The following ADAMTS16 variants were observed in gnomAD, a reference collection of about 807,000 sequenced individuals.
ADAMTS16 encodes ADAM metallopeptidase with thrombospondin type 1 motif 16.
ADAMTS16 carries 94 observed loss-of-function variants against 145.8 expected under a neutral mutation model. The observed-to-expected ratio is 0.64, with a 90% CI of 0.55 to 0.77. ADAMTS16 has a LOEUF of 0.77. Ranked by LOEUF, ADAMTS16 falls within the 30% of genes least tolerant of loss-of-function variation. The pLI, the probability that ADAMTS16 is intolerant of heterozygous loss-of-function variation, is 0.00. For missense variants in ADAMTS16, 1,585 were observed against 1,591.5 expected, an observed-to-expected ratio of 1.00 and a Z score of 0.07; for synonymous variants, 659 against 604.3, an observed-to-expected ratio of 1.09 and a Z score of -1.33.
At chr5:5,280,358 G>A (rs1235584525) in intron 18 of ADAMTS16, among the ~76,000 whole-genome samples, 3 of 152,050 alleles carry the variant, frequency 2.0e-5, no homozygotes, top group African/African-American at 4.8e-5. Context: ...ACAATGGAGG[G>A]GTGTGTGTGT....
chr5:5,300,473 CAT>C lies in ADAMTS16; in HGVS notation c.2790-2794_2790-2793del, dbSNP rs931245564. ...TATAGGGCAACTCCTACAACCCTGA[CAT>C]GTGTATTTTTTATGTGTACACAAAT... On this transcript the variant is annotated intron_variant, in intron 18 of 22. Transcript: ENST00000274181. 6.6e-4 allele frequency among the ~76,000 whole-genome samples: 101 copies of C among 152,258 alleles called. 1 individual carries two copies. Among genetic ancestry groups the C allele is most frequent in the Admixed American group, 5.0e-3 (76 of 15,296 alleles).
chr5:5,241,815 G>A (rs1370316414), intron 16 of ADAMTS16, among the ~76,000 whole-genome samples: 1 of 137,956 alleles, frequency 7.2e-6, no homozygotes. Context: ...TTTACATGCG[G>A]GCATACACTA....
At chr5:5,282,078 G>C (rs1010348115) in intron 18 of ADAMTS16, among the ~76,000 whole-genome samples, 1 of 151,310 alleles carries the variant, frequency 6.6e-6, no homozygotes, top group Non-Finnish European at 1.5e-5. Flanking sequence ...AGCAGCCTCC[G>C]ACCCTCATGA....
At chr5:5,146,482 G>A in intron 3 of ADAMTS16, 27 bp downstream of exon 3, 2 of 1,568,984 alleles carry the variant, frequency 1.3e-6, no homozygotes, top group East Asian at 2.3e-5. Flanking sequence ...CCCCAGGTAG[G>A]GAGGCGAGGT....
chr5:5,145,343 T>C (rs1352153380), intron 2 of ADAMTS16, among the ~76,000 whole-genome samples: 1 of 152,234 alleles, frequency 6.6e-6, no homozygotes, highest in East Asian at 1.9e-4. Flanking sequence ...TAATCTAGGC[T>C]CTTGAGGCCA....
chr5:5,220,579 C>T (rs553784005), intron 10 of ADAMTS16, among the ~76,000 whole-genome samples: 7 of 152,240 alleles, frequency 4.6e-5, no homozygotes, highest in East Asian at 3.9e-4. Flanking sequence ...GAGCCCTGAA[C>T]GCAGACGGAG....
intron 18 of ADAMTS16, among the ~76,000 whole-genome samples, chr5:5,280,515 A>G (rs1738862123): frequency 6.6e-6 from 1 of 152,190 alleles, no homozygotes; most frequent in Non-Finnish European, 1.5e-5. Context: ...GCACAGAGAC[A>G]AGGTTGGGAA....
At chr5:5,157,866 A>G (rs1734640629) in intron 3 of ADAMTS16, among the ~76,000 whole-genome samples, 1 of 152,208 alleles carries the variant, frequency 6.6e-6, no homozygotes, top group Non-Finnish European at 1.5e-5. Flanking sequence ...AGGCACTTCA[A>G]GTTGTGCCCT....
chr5:5,207,798 C>T (rs555182357), intron 9 of ADAMTS16, among the ~76,000 whole-genome samples: 1 of 147,740 alleles, frequency 6.8e-6, no homozygotes, highest in East Asian at 2.0e-4. Context: ...GGTTTTTCTT[C>T]TTTAGCCTAT....
chr5:5,218,324 C>T (rs1033469207), intron 10 of ADAMTS16, among the ~76,000 whole-genome samples: 2 of 152,148 alleles, frequency 1.3e-5, no homozygotes, highest in African/African-American at 2.4e-5. Flanking sequence ...GTTCCATTTT[C>T]CCCCTTGCAG....
intron 21 of ADAMTS16, among the ~76,000 whole-genome samples, chr5:5,315,643 C>T (rs137964067): frequency 4.2e-4 from 64 of 152,156 alleles, no homozygotes; most frequent in African/African-American, 1.4e-3. Flanking sequence ...TGACCACAGC[C>T]CCAAGGTTCT....
At chr5:5,201,360 T>A (rs1428026) in intron 9 of ADAMTS16, among the ~76,000 whole-genome samples, 112,589 of 152,040 alleles carry the variant, frequency 0.74, 41,709 homozygotes, top group East Asian at 0.82. Context: ...AAAATATTTT[T>A]AAAAATTTAA....
chr5:5,217,308 A>G (rs1736464984), intron 10 of ADAMTS16, among the ~76,000 whole-genome samples: 1 of 151,986 alleles, frequency 6.6e-6, no homozygotes, highest in African/African-American at 2.4e-5. Context: ...CTTCATGTCT[A>G]AAACACCAAA....
At chr5:5,218,143 A>T (rs1415088248) in intron 10 of ADAMTS16, among the ~76,000 whole-genome samples, 1 of 152,250 alleles carries the variant, frequency 6.6e-6, no homozygotes, top group East Asian at 1.9e-4. Context: ...TATGTACCAT[A>T]AAGTTAGCAG....
chr5:5,242,706 G>A (rs1024901733), intron 17 of ADAMTS16, among the ~76,000 whole-genome samples: 7 of 152,180 alleles, frequency 4.6e-5, no homozygotes, highest in Non-Finnish European at 1.0e-4. Flanking sequence ...AAAAAAACAT[G>A]TCAAAAAGAA....
intron 10 of ADAMTS16, among the ~76,000 whole-genome samples, chr5:5,214,742 C>G (rs1277797901): frequency 3.3e-5 from 5 of 152,090 alleles, no homozygotes; most frequent in Admixed American, 1.3e-4. Flanking sequence ...ATTTGTGTGG[C>G]CAGTATCTCT....
At position 5,303,398 on chromosome 5, in the gene ADAMTS16, G is replaced by A. The variant is rs376298000; in HGVS notation, c.2920G>A (p.Ala974Thr). Residue 974 changes from alanine (A) to threonine (T), a missense_variant, in exon 19 of 23, where the codon GCT becomes ACT. This residue lies in a region of ADAMTS16 where 834 missense variants were observed against 811.7 expected (regional missense o/e 1.03). Transcript: ENST00000274181. Reference sequence around the variant, plus strand: ...CCCGGCCAGCCTGTGCCCTCAGCCTGCTCCCTCCAGCAGGCAGGCCTGCAA... The same window carrying A: ...CCCGGCCAGCCTGTGCCCTCAGCCTACTCCCTCCAGCAGGCAGGCCTGCAA... The part of the protein sequence containing the change: ...PVPASLCPQP[A>T]PSSRQACNSQ... The A allele has an allele frequency of 5.0e-6, 8 of 1,605,764 alleles. No individual in the cohort carries two copies. The highest frequency in any genetic ancestry group is 6.8e-6 in the Non-Finnish European group (8 of 1,176,618).
At chr5:5,271,104 A>G (rs1395766346) in intron 18 of ADAMTS16, among the ~76,000 whole-genome samples, 1 of 152,192 alleles carries the variant, frequency 6.6e-6, no homozygotes, top group African/African-American at 2.4e-5. Flanking sequence ...TTTAACTTAA[A>G]TGAAAAAGGA....
rs142062817 is a variant in ADAMTS16, at chr5:5,315,654, C to T, written c.3412-2480C>T. 1.6e-3 allele frequency among the ~76,000 whole-genome samples: 242 copies of T among 152,262 alleles called. 3 individuals are homozygous for T. Among genetic ancestry groups the T allele is most frequent in the African/African-American group, 5.3e-3 (220 of 41,564 alleles). ...AGGGTGACCACAGCCCCAAGGTTCT[C>T]GGCGCACTGTGTGAGCTAAGAGGGT... On this transcript the variant is annotated intron_variant, in intron 21 of 22. Coordinates refer to ENST00000274181, the MANE Select transcript of ADAMTS16 (RefSeq NM_139056.4).
Sources: allele counts gnomAD v4.1 joint callset (sites outside exome capture counted in the v4.1 genomes callset), GRCh38; gene constraint gnomAD v4.1.1; regional missense constraint gnomAD v4.1.1; transcripts MANE v1.5; gene names NCBI Gene and HGNC (gene_info 2026-07-23, HGNC 2026-07-21).